The following PIGR variants were observed in gnomAD, a reference collection of about 807,000 sequenced individuals.
PIGR encodes the protein hepatocellular carcinoma associated protein TB6.
A neutral mutation model predicts 69.5 loss-of-function variants in PIGR; 22 were observed. The ratio of observed to expected loss-of-function variants is 0.32; its 90% confidence interval spans 0.23 to 0.45. The LOEUF is 0.45. PIGR is among the 20% of genes least tolerant of loss of function. PIGR has a pLI of 1.00. For missense variants in PIGR, 885 were observed against 974.0 expected, an observed-to-expected ratio of 0.91 and a Z score of 1.22; for synonymous variants, 413 against 407.6, an observed-to-expected ratio of 1.01 and a Z score of -0.16.
At position 206,935,751 on chromosome 1, in the gene PIGR, G is replaced by A; in HGVS notation, c.1113C>T (p.Cys371=). 1.2e-6 allele frequency: 2 copies of A among 1,613,810 alleles called. No homozygotes were observed. The highest frequency in any genetic ancestry group is 1.7e-6 in the Non-Finnish European group (2 of 1,179,778). The stretch of plus-strand genomic sequence containing the variant: ...TTTTGCTTTCCTTACGGTTGTAGGG[G>A]CAGAGCACGGCCACAGAGCCTCCTG... The part of the protein sequence containing the change: ...GVAGGSVAVL[C]PYNRKESKSI... The change falls in exon 5 of 11, where the codon TGC becomes TGT. Residue 371 remains cysteine, a synonymous_variant. Transcript: ENST00000356495. The surrounding 1 kb of genome is among the most constrained non-coding windows in gnomAD (Gnocchi z 4.4).
intron 3 of PIGR, 61 bp from the exon 4 acceptor site, chr1:206,937,812 A>G: frequency 2.8e-6 from 4 of 1,452,946 alleles, no homozygotes; most frequent in South Asian, 2.5e-5. Context: ...TTCTTGCAAC[A>G]TAGGACTATT....
rs1159709868 is a variant in PIGR at position 206,930,513 on chromosome 1, T to C, written c.2200-100A>G. On this transcript the variant is annotated intron_variant, in intron 10 of 10. Coordinates refer to ENST00000356495, the MANE Select transcript of PIGR (RefSeq NM_002644.4). The surrounding 1 kb of genome is among the most constrained non-coding windows in gnomAD (Gnocchi z 4.3). ...TAATGTCCTGAATTCGTGATCTTGG[T>C]CCAAGCAACACAAGCCTTTGGGGCC... 18 of 1,444,146 alleles carry C rather than the reference T, an allele frequency of 1.2e-5. No homozygotes were observed. Among genetic ancestry groups the C allele is most frequent in the Non-Finnish European group, 1.6e-5 (17 of 1,095,158 alleles). 89.5% of individuals were successfully genotyped at this position (1,444,146 alleles called of 1,614,324 possible). A position where few individuals can be genotyped will look rare whatever the true frequency, so the allele number is the denominator to read the frequency against.
At chr1:206,945,531 T>C (rs1680087012) in intron 1 of PIGR, among the ~76,000 whole-genome samples, 1 of 152,186 alleles carries the variant, frequency 6.6e-6, no homozygotes, top group African/African-American at 2.4e-5. Context: ...CAGCTCCACC[T>C]CACTCAGTGA....
At chr1:206,939,790 G>A (rs540662136) in intron 2 of PIGR, among the ~76,000 whole-genome samples, 23 of 152,126 alleles carry the variant, frequency 1.5e-4, no homozygotes, top group Non-Finnish European at 1.5e-5. Flanking sequence ...GCAGTGGCAC[G>A]ATCTCGGCTC....
At chr1:206,933,222 C>T (rs1057493278) in intron 6 of PIGR, 56 bp from the exon 7 acceptor site, 54 of 1,562,344 alleles carry the variant, frequency 3.5e-5, no homozygotes, top group East Asian at 6.7e-5. Context: ...TCTTACTCCT[C>T]GAGGTGAAGG....
intron 10 of PIGR, 147 bp downstream of exon 10, chr1:206,931,350 G>C: frequency 6.5e-7 from 1 of 1,544,942 alleles, no homozygotes; most frequent in South Asian, 1.2e-5. Context: ...TCCTCAAAAA[G>C]TCCTGAGGAC....
At chr1:206,931,241 C>A (rs1033664190) in intron 10 of PIGR, 2 of 985,318 alleles carry the variant, frequency 2.0e-6, no homozygotes, top group Non-Finnish European at 2.4e-6. Flanking sequence ...CATCTCCTGG[C>A]CTGCCTCTCT....
intron 10 of PIGR, 179 bp downstream of exon 10, chr1:206,931,318 A>G: frequency 6.8e-7 from 1 of 1,476,902 alleles, no homozygotes; most frequent in South Asian, 1.4e-5. Context: ...TCAGCATCCC[A>G]CAACCAGTAA....
intron 4 of PIGR, among the ~76,000 whole-genome samples, chr1:206,936,305 T>C (rs1420880801): frequency 6.6e-6 from 1 of 152,162 alleles, no homozygotes; most frequent in Non-Finnish European, 1.5e-5. Flanking sequence ...AAGGGGCATC[T>C]CAAAGACGAT....
chr1:206,934,736 G>T lies in PIGR; in HGVS notation c.1389C>A (p.Asn463Lys), dbSNP rs139224071. The change falls in exon 6 of 11, where the codon AAC (asparagine) becomes AAA (lysine). Residue 463 changes from asparagine to lysine, a missense_variant. Transcript: ENST00000356495. ...CCGTGACATTCCCTGGTACCTTGAG[G>T]TTTGGTTCTCCTGGAGGAGGGAGGG... Reference protein sequence around the residue: ...VEIKIIEGEPNLKVPGNVTAV... With the variant: ...VEIKIIEGEPKLKVPGNVTAV... 1.2e-6 allele frequency: 2 copies of T among 1,604,724 alleles called. No individual in the cohort carries two copies. Among genetic ancestry groups the T allele is most frequent in the Middle Eastern group, 1.7e-4 (1 of 6,050 alleles).
rs1679887721 is a variant in PIGR at position 206,937,434 on chromosome 1, G to C, written c.706C>G (p.Gln236Glu). 3 of 1,614,018 alleles carry C rather than the reference G, an allele frequency of 1.9e-6. No homozygotes were observed. Among genetic ancestry groups the C allele is most frequent in the Non-Finnish European group, 2.5e-6 (3 of 1,180,008 alleles). The change falls in exon 4 of 11, where the codon CAA becomes GAA. Residue 236 changes from glutamine to glutamate, a missense_variant. Gln to Glu is a conservative substitution (Grantham distance 29). Transcript: ENST00000356495. ...SNSNKKNADLQVLKPEPELVY... is the reference protein window; with the variant it reads ...SNSNKKNADLEVLKPEPELVY... ...AGCTCGGGCTCGGGCTTTAGCACTT[G>C]GAGGTCAGCATTCTTCTTATTACTA...
intron 6 of PIGR, among the ~76,000 whole-genome samples, chr1:206,933,457 T>C (rs1161163426): frequency 6.6e-6 from 1 of 152,152 alleles, no homozygotes; most frequent in Non-Finnish European, 1.5e-5. Flanking sequence ...CGGGAGATTT[T>C]CAAGGCTCTG....
chr1:206,932,436 G>A lies in PIGR; in HGVS notation c.2008+20C>T. 1 of 1,599,300 alleles carries A rather than the reference G, an allele frequency of 6.3e-7. No individual in the cohort carries two copies. Among genetic ancestry groups the A allele is most frequent in the Non-Finnish European group, 8.5e-7 (1 of 1,173,524 alleles). The stretch of plus-strand genomic sequence containing the variant: ...GGCTCGGGTTGGAGGTGGGAGGCAG[G>A]GAGTATCCCAGGGACTCACCGACGT... On this transcript the variant is annotated intron_variant, in intron 8 of 10. Transcript: ENST00000356495.
At position 206,930,766 on chromosome 1, in the gene PIGR, C is replaced by T. The variant is rs73072415; in HGVS notation, c.2200-353G>A. The T allele has an allele frequency of 9.2e-5, 91 of 985,414 alleles. 1 individual carries two copies. In the African/African-American group the frequency reaches 1.3e-3, roughly 14 times the overall value. 61.0% of individuals were successfully genotyped at this position (985,414 alleles called of 1,614,324 possible). ...GTGGTGTATGTTTTTCTTTCTCCACCAGCCCAGACAGGTAGCTTTTTGGCA... is the reference window on the plus strand; with the variant it reads ...GTGGTGTATGTTTTTCTTTCTCCACTAGCCCAGACAGGTAGCTTTTTGGCA... On this transcript the variant is annotated intron_variant, in intron 10 of 10. Coordinates refer to ENST00000356495, the MANE Select transcript of PIGR (RefSeq NM_002644.4). This position sits in a 1 kb window ranked among gnomAD's most constrained non-coding sequence, Gnocchi z 4.3.
intron 6 of PIGR, 61 bp from the exon 7 acceptor site, chr1:206,933,227 T>G: frequency 6.5e-7 from 1 of 1,542,074 alleles, no homozygotes; most frequent in Admixed American, 1.8e-5. Flanking sequence ...CTCCTCGAGG[T>G]GAAGGAGTCT....
At chr1:206,932,941 G>C in intron 7 of PIGR, 45 bp downstream of exon 7, 1 of 1,597,796 alleles carries the variant, frequency 6.3e-7, no homozygotes, top group Non-Finnish European at 8.6e-7. Context: ...CAGGTGCTCG[G>C]CTCTGGGGTG....
At position 206,934,849 on chromosome 1, in the gene PIGR, A is replaced by G. The variant is rs1679833281; in HGVS notation, c.1379-103T>C. 1.2e-5 allele frequency: 6 copies of G among 500,836 alleles called. No homozygotes were observed. In the African/African-American group the frequency reaches 2.3e-4, roughly 19 times the overall value. 31.0% of individuals were successfully genotyped at this position (500,836 alleles called of 1,614,324 possible). A position where few individuals can be genotyped will look rare whatever the true frequency, so the allele number is the denominator to read the frequency against. On this transcript the variant is annotated intron_variant, in intron 5 of 10. Transcript: ENST00000356495. Reference sequence around the variant, plus strand: ...ATCTTTGTCCACATGTCATATACATATATATATATATTTTTGTTTTTGTTT... The same window carrying G: ...ATCTTTGTCCACATGTCATATACATGTATATATATATTTTTGTTTTTGTTT...
chr1:206,934,216 G>C (rs1417597013), intron 6 of PIGR, among the ~76,000 whole-genome samples: 1 of 152,122 alleles, frequency 6.6e-6, no homozygotes, highest in African/African-American at 2.4e-5. Flanking sequence ...TTACTTAGTT[G>C]GTATGTTTAT....
rs1433692904 is a variant in PIGR at position 206,943,411 on chromosome 1, G to A, written c.-53-2827C>T. ...ATATGATATTATATCATGCATGAGG[G>A]CACGTTTTCTGGTCCTTAAACTAGC... is the stretch of plus-strand genomic sequence containing the variant. On this transcript the variant is annotated intron_variant, in intron 1 of 10. Transcript: ENST00000356495. 2.0e-5 allele frequency among the ~76,000 whole-genome samples: 3 copies of A among 152,114 alleles called. No individual in the cohort carries two copies. In the East Asian group the frequency reaches 5.8e-4, roughly 29 times the overall value.
Sources: gnomAD v4.1 joint callset for allele counts (sites outside exome capture counted in the v4.1 genomes callset) on GRCh38, gnomAD v4.1.1 for gene constraint, Gnocchi (gnomAD v3.1) non-coding constraint, MANE v1.5 for transcripts, NCBI Gene and HGNC (gene_info 2026-07-23, HGNC 2026-07-21) for gene names.